Variants in ANKRD12 observed in about 807,000 individuals in gnomAD.
The protein encoded by ANKRD12 is ankyrin repeat domain 12.
ANKRD12 carries 85 observed loss-of-function variants against 183.4 expected under a neutral mutation model. The ratio of observed to expected loss-of-function variants is 0.46; its 90% CI spans 0.39 to 0.56. The LOEUF (loss-of-function observed/expected upper bound fraction) is 0.56, where lower values mean the gene tolerates loss of function less well. Among genes scored for constraint, ANKRD12 ranks in the 20% least tolerant of loss-of-function variants. ANKRD12 has a pLI of 0.00. For synonymous variants in ANKRD12, 914 were observed against 800.2 expected (o/e 1.14, Z -2.40); for missense variants, 2,405 against 2,357.1 (o/e 1.02, Z -0.42).
intron 8 of ANKRD12, among the ~76,000 whole-genome samples, chr18:9,232,139 CTTG>C (rs1168601030): frequency 6.6e-6 from 1 of 151,876 alleles, no homozygotes; most frequent in Non-Finnish European, 1.5e-5. Flanking sequence ...CTTGGTTGTC[CTTG>C]TTGTGTGCTG....
At chr18:9,211,064 C>T (rs2035777639) in intron 5 of ANKRD12, among the ~76,000 whole-genome samples, 1 of 151,766 alleles carries the variant, frequency 6.6e-6, no homozygotes, top group Admixed American at 6.6e-5. Context: ...CAAGGCAAAG[C>T]AGTTTTTAAA....
chr18:9,172,001 G>A (rs1397819055), intron 1 of ANKRD12, among the ~76,000 whole-genome samples: 1 of 142,328 alleles, frequency 7.0e-6, no homozygotes, highest in African/African-American at 2.6e-5. Flanking sequence ...TCCTGGGCAG[G>A]AAGAGTGAAA....
intron 3 of ANKRD12, among the ~76,000 whole-genome samples, chr18:9,198,366 A>G (rs950418362): frequency 2.0e-5 from 3 of 152,192 alleles, no homozygotes; most frequent in African/African-American, 7.2e-5. Flanking sequence ...AAGAAATACA[A>G]TTTATGGTGA....
chr18:9,203,231 TTGA>T (rs776363248), intron 3 of ANKRD12, among the ~76,000 whole-genome samples: 4 of 152,236 alleles, frequency 2.6e-5, no homozygotes, highest in Admixed American at 6.5e-5. Context: ...CTAAATGTTA[TTGA>T]TGATTCCTCT....
chr18:9,252,419 G>A (rs1480787698), intron 8 of ANKRD12, among the ~76,000 whole-genome samples: 6 of 152,150 alleles, frequency 3.9e-5, no homozygotes, highest in African/African-American at 1.2e-4. Flanking sequence ...TGTGGCCCAG[G>A]TTCCAGAGCC....
intron 2 of ANKRD12, among the ~76,000 whole-genome samples, chr18:9,187,869 C>T (rs2034196586): frequency 6.6e-6 from 1 of 152,136 alleles, no homozygotes; most frequent in Admixed American, 6.5e-5. Flanking sequence ...CTGTTATATC[C>T]TTTTCGTCAT....
At chr18:9,265,431 C>A (rs2039231832) in intron 10 of ANKRD12, among the ~76,000 whole-genome samples, 1 of 148,326 alleles carries the variant, frequency 6.7e-6, no homozygotes, top group Non-Finnish European at 1.5e-5. Flanking sequence ...GACAAAACTT[C>A]CAGAGGAATG....
In ANKRD12 at chr18:9,182,507, A is replaced by G. The variant is rs2033770869; in HGVS notation, c.75A>G (p.Pro25=). Reference sequence around the variant, plus strand: ...GTGACAGCAATATGGTAGAGAAACCATATGGAAGAAAGGTATATGATTATA... The same window carrying G: ...GTGACAGCAATATGGTAGAGAAACCGTATGGAAGAAAGGTATATGATTATA... ...SDSDSNMVEK[P]YGRKSKDKIA... is the part of the protein sequence containing the mutation. Residue 25 remains proline (P), a synonymous_variant, in exon 2 of 13, where the codon CCA becomes CCG. Coordinates refer to ENST00000262126, the MANE Select transcript of ANKRD12 (RefSeq NM_015208.5). The G allele has an allele frequency of 1.2e-6, 2 of 1,605,436 alleles. No individual in the cohort carries two copies. The highest frequency in any genetic ancestry group is 1.3e-5 in the African/African-American group (1 of 74,510).
Position 9,257,097 on chromosome 18 carries a change from A to G in ANKRD12, c.3830A>G (p.Tyr1277Cys), listed in dbSNP as rs2038678908. Residue 1277 changes from tyrosine to cysteine, a missense_variant, in exon 9 of 13, where the codon TAT (tyrosine) becomes TGT (cysteine). Coordinates refer to ENST00000262126, the MANE Select transcript of ANKRD12 (RefSeq NM_015208.5). ...TTGCCGGAGCGGATTAAACCACCAT[A>G]TGCAAACAGACTTTCAACATCCCAT... ...ADLPERIKPP[Y>C]ANRLSTSHLR... 6.2e-7 allele frequency: 1 copy of G among 1,614,010 alleles called. No homozygotes were observed. The highest frequency in any genetic ancestry group is 1.7e-5 in the Admixed American group (1 of 59,980).
At chr18:9,247,775 T>TG (rs2038049494) in intron 8 of ANKRD12, among the ~76,000 whole-genome samples, 1 of 151,660 alleles carries the variant, frequency 6.6e-6, no homozygotes, top group Admixed American at 6.6e-5. Context: ...TCCATAGTTT[T>TG]GGGGTTTTTT....
intron 8 of ANKRD12, among the ~76,000 whole-genome samples, chr18:9,252,555 C>G (rs2038359614): frequency 6.6e-6 from 1 of 152,286 alleles, no homozygotes; most frequent in Admixed American, 6.5e-5. Flanking sequence ...TTTAAAAGAA[C>G]CATTAGAAAA....
chr18:9,226,978 GA>G (rs1211774463), intron 8 of ANKRD12, among the ~76,000 whole-genome samples: 6 of 152,070 alleles, frequency 3.9e-5, no homozygotes, highest in African/African-American at 1.4e-4. Flanking sequence ...TACTGGAGGG[GA>G]AAAATGATTA....
chr18:9,144,701 G>A (rs1030387754), intron 1 of ANKRD12, among the ~76,000 whole-genome samples: 3 of 152,030 alleles, frequency 2.0e-5, no homozygotes, highest in African/African-American at 4.8e-5. Context: ...TTGCACCTAA[G>A]GTTCAAGTTA....
chr18:9,239,427 A>G (rs2037531464), intron 8 of ANKRD12: 1 of 887,578 alleles, frequency 1.1e-6, no homozygotes, highest in African/African-American at 1.7e-5. Context: ...TTTGATTTTC[A>G]CTGATCTTGA....
chr18:9,223,607 G>C (rs1462301784), intron 8 of ANKRD12, among the ~76,000 whole-genome samples: 3 of 152,066 alleles, frequency 2.0e-5, no homozygotes, highest in African/African-American at 7.2e-5. Flanking sequence ...AGATAAAAGT[G>C]TATTGCCTTC....
At chr18:9,261,869 C>CA (rs569468869) in intron 9 of ANKRD12, among the ~76,000 whole-genome samples, 29 of 152,300 alleles carry the variant, frequency 1.9e-4, no homozygotes, top group South Asian at 1.5e-3. Context: ...ACCTCAGTGT[C>CA]AGACAGTAGA....
chr18:9,157,438 G>A (rs770890266), intron 1 of ANKRD12, among the ~76,000 whole-genome samples: 56 of 151,860 alleles, frequency 3.7e-4, no homozygotes, highest in Middle Eastern at 3.4e-3. Flanking sequence ...TAGTGAGTAC[G>A]TATGACTTTT....
chr18:9,266,241 A>T (rs1043813351), intron 10 of ANKRD12, among the ~76,000 whole-genome samples: 3 of 152,252 alleles, frequency 2.0e-5, no homozygotes, highest in African/African-American at 4.8e-5. Flanking sequence ...GCAGACCAAC[A>T]TTCAAATTCA....
At chr18:9,220,530 G>C (rs984038133) in intron 7 of ANKRD12, among the ~76,000 whole-genome samples, 1 of 152,166 alleles carries the variant, frequency 6.6e-6, no homozygotes, top group Non-Finnish European at 1.5e-5. Context: ...CCAAATTCTG[G>C]CTTCAAGGCT....
Sources: gnomAD v4.1 joint callset for allele counts (sites outside exome capture counted in the v4.1 genomes callset) on GRCh38, gnomAD v4.1.1 for gene constraint, MANE v1.5 for transcripts, NCBI Gene and HGNC (gene_info 2026-07-23, HGNC 2026-07-21) for gene names.